The following ANGPT2 variants were observed in gnomAD, a reference collection of about 807,000 sequenced individuals.
ANGPT2 encodes angiopoietin-2.
In ANGPT2, 28 loss-of-function variants were observed where a neutral mutation model predicts 62.9. The ratio of observed to expected loss-of-function variants is 0.44; its 90% confidence interval spans 0.33 to 0.61. The LOEUF (loss-of-function observed/expected upper bound fraction) is 0.61, where lower values mean the gene tolerates loss of function less well. ANGPT2 is among the 20% of genes least tolerant of loss of function. ANGPT2 has a pLI of 0.03. For missense variants in ANGPT2, 727 were observed against 594.9 expected, an observed-to-expected ratio of 1.22 and a Z score of -2.31; for synonymous variants, 284 against 207.8, an observed-to-expected ratio of 1.37 and a Z score of -3.15.
intron 1 of ANGPT2, among the ~76,000 whole-genome samples, chr8:6,558,102 A>G (rs952817093): frequency 6.6e-6 from 1 of 151,944 alleles, no homozygotes. Flanking sequence ...CTTCCTTCCA[A>G]CCTCTCGTCA....
intron 8 of ANGPT2, 164 bp downstream of exon 8, chr8:6,508,768 C>G (rs548431980): frequency 3.0e-6 from 3 of 1,005,766 alleles, no homozygotes; most frequent in East Asian, 2.5e-5. Flanking sequence ...AAAACTTAGT[C>G]TAAAAAAAGT....
At chr8:6,512,265 A>G (rs1815302456) in intron 7 of ANGPT2, among the ~76,000 whole-genome samples, 1 of 152,178 alleles carries the variant, frequency 6.6e-6, no homozygotes, top group Non-Finnish European at 1.5e-5. Context: ...TTGTTCAGGC[A>G]ACTTGACATT....
At chr8:6,527,726 A>G (rs779697752) in intron 2 of ANGPT2, 50 bp from the exon 3 acceptor site, 3 of 1,495,460 alleles carry the variant, frequency 2.0e-6, no homozygotes, top group East Asian at 4.8e-5. Flanking sequence ...AATTAGTTTA[A>G]CTTTCTAACT....
rs200777464 is a variant in ANGPT2, at chr8:6,513,794, C to A, written c.1080G>T (p.Ser360=). The A allele has an allele frequency of 5.6e-6, 9 of 1,613,786 alleles. No individual in the cohort carries two copies. The highest frequency in any genetic ancestry group is 7.6e-6 in the Non-Finnish European group (9 of 1,179,880). The change falls in exon 7 of 9, where the codon TCG becomes TCT. Residue 360 remains serine (S), a synonymous_variant. Transcript: ENST00000629816. The part of the protein sequence containing the change: ...GEYWLGNEFV[S]QLTNQQRYVL... ...CATAGCGTTGCTGATTAGTCAGTTG[C>A]GAAACAAACTCATTTCCCAGCCAAT...
intron 1 of ANGPT2, among the ~76,000 whole-genome samples, chr8:6,558,434 A>G (rs978632506): frequency 3.9e-5 from 6 of 152,208 alleles, no homozygotes; most frequent in African/African-American, 1.4e-4. Context: ...TTTTAAATGT[A>G]CAAAATTTCA....
chr8:6,552,172 A>G (rs1266374824), intron 1 of ANGPT2, among the ~76,000 whole-genome samples: 1 of 152,184 alleles, frequency 6.6e-6, no homozygotes, highest in Non-Finnish European at 1.5e-5. Context: ...CTTAGAAGGT[A>G]GTTTGGGGCT....
rs55804146 is a variant in ANGPT2, at chr8:6,562,552, CTTTTTTTT to C, written c.288+87_288+94del. On this transcript the variant is annotated intron_variant, in intron 1 of 8. Coordinates refer to ENST00000629816, the MANE Select transcript of ANGPT2 (RefSeq NM_001118887.2). ...AGCTCTAATCCTCTTCATCCTCCTT[CTTTTTTTT>C]TTTTTTTTTTTGGTTGTTAAAACCT... The C allele has an allele frequency of 1.0e-3, 76 of 73,854 alleles. 13 individuals carry two copies. The Middle Eastern group carries it at 0.019, about 19-fold the overall frequency. The allele number at this position is 73,854 out of a possible 1,614,324, so 4.6% of individuals were successfully genotyped here. A position where few individuals can be genotyped will look rare whatever the true frequency, so the allele number is the denominator to read the frequency against.
At chr8:6,553,119 T>C (rs773894853) in intron 1 of ANGPT2, among the ~76,000 whole-genome samples, 1 of 152,052 alleles carries the variant, frequency 6.6e-6, no homozygotes, top group Non-Finnish European at 1.5e-5. Flanking sequence ...GATGGGTCAA[T>C]GTAGATTCAT....
At chr8:6,503,827 T>G (rs1182886071) in intron 8 of ANGPT2, among the ~76,000 whole-genome samples, 1 of 151,974 alleles carries the variant, frequency 6.6e-6, no homozygotes, top group Non-Finnish European at 1.5e-5. Context: ...GCAGGAGAGG[T>G]GTCCAGCACA....
At chr8:6,544,169 C>G (rs981365856) in intron 1 of ANGPT2, among the ~76,000 whole-genome samples, 2 of 152,174 alleles carry the variant, frequency 1.3e-5, no homozygotes, top group African/African-American at 2.4e-5. Flanking sequence ...GGAAGTGTAA[C>G]AAGTACGAAT....
Position 6,503,088 on chromosome 8 carries a change from T to G in ANGPT2, c.*13A>C, listed in dbSNP as rs201918700. On this transcript the variant is annotated 3_prime_UTR_variant, in exon 9 of 9. Transcript: ENST00000629816. Reference sequence around the variant, plus strand: ...AAATAGTTCGAGACAGTTCCTCAGGTGGACTGGGATGTTTAGAAATCTGCT... The same window carrying G: ...AAATAGTTCGAGACAGTTCCTCAGGGGGACTGGGATGTTTAGAAATCTGCT... 2 of 1,614,020 alleles carry G rather than the reference T, an allele frequency of 1.2e-6. No individual in the cohort carries two copies. The highest frequency in any genetic ancestry group is 4.5e-5 in the East Asian group (2 of 44,874).
At chr8:6,531,758 C>T (rs539874305) in intron 2 of ANGPT2, among the ~76,000 whole-genome samples, 5 of 151,414 alleles carry the variant, frequency 3.3e-5, no homozygotes, top group Non-Finnish European at 4.4e-5. Context: ...TGGTTAGTGG[C>T]GGACCTGGAG....
chr8:6,534,630 A>G (rs1026003101), intron 1 of ANGPT2, among the ~76,000 whole-genome samples: 1 of 152,222 alleles, frequency 6.6e-6, no homozygotes, highest in Non-Finnish European at 1.5e-5. Flanking sequence ...AAATTAAAGT[A>G]TTAAAAAATT....
chr8:6,549,160 A>T (rs527601710), intron 1 of ANGPT2, among the ~76,000 whole-genome samples: 1 of 152,338 alleles, frequency 6.6e-6, no homozygotes, highest in African/African-American at 2.4e-5. Flanking sequence ...AAAATGATAC[A>T]TGGGTTTGTA....
rs1812144782 is a variant in ANGPT2 at position 6,501,379 on chromosome 8, T to C, written c.*1722A>G. ...TTACAGACTGGACTCTGAACTTCCT[T>C]GCAAATGATTCAGAAAAGAATATAT... On this transcript the variant is annotated 3_prime_UTR_variant, in exon 9 of 9. Coordinates refer to ENST00000629816, the MANE Select transcript of ANGPT2 (RefSeq NM_001118887.2). The C allele has an allele frequency of 6.6e-6, 1 of 152,166 alleles. No homozygotes were observed. The highest frequency in any genetic ancestry group is 2.1e-4 in the South Asian group (1 of 4,830). The allele number at this position is 152,166 out of a possible 1,614,324, so 9.4% of individuals were successfully genotyped here. A position where few individuals can be genotyped will look rare whatever the true frequency, so the allele number is the denominator to read the frequency against.
At chr8:6,514,249 G>A (rs1216763502) in intron 6 of ANGPT2, among the ~76,000 whole-genome samples, 1 of 152,192 alleles carries the variant, frequency 6.6e-6, no homozygotes. Flanking sequence ...GAGTGCAGTG[G>A]TGTGATCTTG....
chr8:6,541,724 C>T (rs986803665), intron 1 of ANGPT2, among the ~76,000 whole-genome samples: 10 of 152,102 alleles, frequency 6.6e-5, no homozygotes. Flanking sequence ...GAATGTAGGG[C>T]CGGGCATAGT....
intron 7 of ANGPT2, among the ~76,000 whole-genome samples, chr8:6,510,282 T>C (rs575792960): frequency 6.6e-6 from 1 of 152,098 alleles, no homozygotes; most frequent in East Asian, 1.9e-4. Context: ...TGTTGGCACG[T>C]TGGGTCCTCA....
At chr8:6,518,447 T>C (rs939348788) in intron 5 of ANGPT2, among the ~76,000 whole-genome samples, 2 of 152,342 alleles carry the variant, frequency 1.3e-5, no homozygotes, top group African/African-American at 4.8e-5. Context: ...TTAGGGACAT[T>C]AACTAATTTT....
Sources: gnomAD v4.1 joint callset for allele counts (sites outside exome capture counted in the v4.1 genomes callset) on GRCh38, gnomAD v4.1.1 for gene constraint, MANE v1.5 for transcripts, NCBI Gene and HGNC (gene_info 2026-07-23, HGNC 2026-07-21) for gene names.